The following COL4A2 variants were observed in gnomAD, a reference collection of about 807,000 sequenced individuals.
COL4A2 encodes collagen alpha-2(IV) chain.
In COL4A2, 99 loss-of-function variants were observed where a neutral mutation model predicts 200.2. The observed-to-expected ratio is 0.49, with a 90% CI of 0.42 to 0.58. The LOEUF (loss-of-function observed/expected upper bound fraction) is 0.58. COL4A2 is among the 20% of genes least tolerant of loss of function. COL4A2 has a pLI of 0.00. For missense variants in COL4A2, 1,950 were observed against 2,314.1 expected (o/e 0.84, Z 3.23); for synonymous variants, 897 against 900.6 (o/e 1.00, Z 0.07).
At chr13:110,375,279 G>C (rs189287270) in intron 4 of COL4A2, among the ~76,000 whole-genome samples, 229 of 152,328 alleles carry the variant, frequency 1.5e-3, no homozygotes, top group African/African-American at 5.1e-3. Context: ...CATAGTTACT[G>C]CCTCCAGCAG....
chr13:110,308,451 C>A (rs1029432638), intron 3 of COL4A2, among the ~76,000 whole-genome samples: 7 of 152,062 alleles, frequency 4.6e-5, no homozygotes, highest in Non-Finnish European at 5.9e-5. Flanking sequence ...GTGTGTCAGT[C>A]ACTAGGCAGT....
chr13:110,325,679 A>G (rs185531650), intron 3 of COL4A2, among the ~76,000 whole-genome samples: 6 of 152,316 alleles, frequency 3.9e-5, no homozygotes, highest in Admixed American at 1.3e-4. Context: ...TTACCCCGGT[A>G]GGTGCTGCCC....
intron 15 of COL4A2, among the ~76,000 whole-genome samples, chr13:110,439,151 C>T (rs2139468059): frequency 6.6e-6 from 1 of 152,292 alleles, no homozygotes; most frequent in East Asian, 1.9e-4. Context: ...CCTTCAGAGC[C>T]CCAGCCTGGA....
intron 4 of COL4A2, among the ~76,000 whole-genome samples, chr13:110,400,724 T>C (rs1879343832): frequency 6.6e-6 from 1 of 152,210 alleles, no homozygotes; most frequent in African/African-American, 2.4e-5. Context: ...AAAAGAGTTA[T>C]TCAGAAGATA....
chr13:110,509,713 G>C (rs1477015864), intron 47 of COL4A2, among the ~76,000 whole-genome samples: 2 of 152,156 alleles, frequency 1.3e-5, no homozygotes, highest in African/African-American at 2.4e-5. Flanking sequence ...ACTGTCACGA[G>C]ATAAGCAGAC....
intron 47 of COL4A2, among the ~76,000 whole-genome samples, chr13:110,509,054 T>G (rs1343420880): frequency 2.4e-4 from 36 of 152,086 alleles, no homozygotes; most frequent in Non-Finnish European, 4.4e-5. Flanking sequence ...ATATTGCTTT[T>G]GCACCATCGA....
At chr13:110,433,608 G>A (rs577506661) in intron 11 of COL4A2, among the ~76,000 whole-genome samples, 6 of 152,318 alleles carry the variant, frequency 3.9e-5, no homozygotes, top group East Asian at 1.9e-4. Context: ...GGGGGCGGAC[G>A]GTAGACTGCA....
At chr13:110,465,348 C>A (rs1428362304) in intron 24 of COL4A2, 57 bp from the exon 25 acceptor site, 2 of 1,526,048 alleles carry the variant, frequency 1.3e-6, no homozygotes, top group African/African-American at 2.8e-5. Flanking sequence ...ACAGGGAAGT[C>A]GAGGCGATCT....
chr13:110,431,884 T>A (rs1880692936), intron 10 of COL4A2, among the ~76,000 whole-genome samples: 2 of 152,356 alleles, frequency 1.3e-5, no homozygotes, highest in Middle Eastern at 3.4e-3. Flanking sequence ...AGATGGACTT[T>A]CCGCTCTGCA....
chr13:110,313,201 C>A (rs1885033370), intron 3 of COL4A2, among the ~76,000 whole-genome samples: 1 of 152,134 alleles, frequency 6.6e-6, no homozygotes, highest in African/African-American at 2.4e-5. Flanking sequence ...CCTGGATAGT[C>A]CCCTCTTGCT....
At chr13:110,421,004 T>A (rs1880228795) in intron 4 of COL4A2, among the ~76,000 whole-genome samples, 1 of 152,216 alleles carries the variant, frequency 6.6e-6, no homozygotes, top group Non-Finnish European at 1.5e-5. Context: ...ATGTTCCATC[T>A]CATCAGAAGC....
In COL4A2 at chr13:110,512,415, C is replaced by A; in HGVS notation, c.*224C>A. 1 of 721,132 alleles carries A rather than the reference C, an allele frequency of 1.4e-6. No individual in the cohort carries two copies. Among genetic ancestry groups the A allele is most frequent in the Non-Finnish European group, 2.2e-6 (1 of 453,730 alleles). The allele number at this position is 721,132 out of a possible 1,614,324, so 44.7% of individuals were successfully genotyped here. A position where few individuals can be genotyped will look rare whatever the true frequency, so the allele number is the denominator to read the frequency against. On this transcript the variant is annotated 3_prime_UTR_variant, in exon 48 of 48. Transcript: ENST00000360467. ...CCTGCCCACAGAAAGCCAGGAGCAG[C>A]CCTGGCCCCCATCAGCCCTGCTAGA...
intron 36 of COL4A2, among the ~76,000 whole-genome samples, 186 bp downstream of exon 36, chr13:110,489,971 C>T (rs1473036945): frequency 6.6e-6 from 1 of 151,952 alleles, no homozygotes; most frequent in Non-Finnish European, 1.5e-5. Context: ...AAGATAAAAT[C>T]AGGAAGTCTT....
At chr13:110,331,907 G>C (rs958269485) in intron 3 of COL4A2, among the ~76,000 whole-genome samples, 1 of 152,042 alleles carries the variant, frequency 6.6e-6, no homozygotes, top group African/African-American at 2.4e-5. Context: ...TCGCCCATTT[G>C]GTTACCTGTG....
chr13:110,503,244 A>G lies in COL4A2; in HGVS notation c.4001A>G (p.Gln1334Arg). The G allele has an allele frequency of 6.2e-7, 1 of 1,612,776 alleles. No individual in the cohort carries two copies. The highest frequency in any genetic ancestry group is 8.5e-7 in the Non-Finnish European group (1 of 1,179,614). The change falls in exon 42 of 48, where the codon CAG becomes CGG. Residue 1334 changes from glutamine (Q) to arginine (R), a missense_variant. Gln to Arg is a conservative substitution (Grantham distance 43). This residue lies in a region of COL4A2 where 1,385 missense variants were observed against 1,720.5 expected (regional missense o/e 0.80). Transcript: ENST00000360467. ...GGATGGGCCGGGGACTCCGGGCCCC[A>G]GGGCAGGCCTGGTGTGTTTGGTCTC... Reference protein sequence around the residue: ...TKGWAGDSGPQGRPGVFGLPG... With the variant: ...TKGWAGDSGPRGRPGVFGLPG...
chr13:110,360,795 C>T (rs936469521), intron 4 of COL4A2, among the ~76,000 whole-genome samples: 6 of 148,018 alleles, frequency 4.1e-5, no homozygotes, highest in Admixed American at 2.0e-4. Context: ...ACCCGCCCCC[C>T]ACCCCGGGGC....
chr13:110,449,890 T>C lies in COL4A2; in HGVS notation c.1189+101T>C, dbSNP rs542589043. ...TTCGTTGACGACGTAGCTATGTCGTTGTTACTTTTCCCCACTGACTAGTCT... is the reference window on the plus strand; with the variant it reads ...TTCGTTGACGACGTAGCTATGTCGTCGTTACTTTTCCCCACTGACTAGTCT... On this transcript the variant is annotated intron_variant, in intron 19 of 47. Coordinates refer to ENST00000360467, the MANE Select transcript of COL4A2 (RefSeq NM_001846.4). The C allele has an allele frequency of 1.3e-3, 1,685 of 1,317,948 alleles. 1 individual carries two copies. The highest frequency in any genetic ancestry group is 1.3e-3 in the Non-Finnish European group (1,230 of 967,868). 81.6% of individuals were successfully genotyped at this position (1,317,948 alleles called of 1,614,324 possible). A position where few individuals can be genotyped will look rare whatever the true frequency, so the allele number is the denominator to read the frequency against.
In COL4A2 at chr13:110,414,771, G is replaced by A. The variant is rs1477915627; in HGVS notation, c.181-9963G>A. On this transcript the variant is annotated intron_variant, in intron 4 of 47. Coordinates refer to ENST00000360467, the MANE Select transcript of COL4A2 (RefSeq NM_001846.4). ...TCTATAATCTGTAAGACTCTTGCTA[G>A]GGAATGAGGCTTGTGTTTGCGTATT... 3.3e-5 allele frequency among the ~76,000 whole-genome samples: 5 copies of A among 152,218 alleles called. No homozygotes were observed. In the East Asian group the frequency reaches 9.6e-4, roughly 29 times the overall value.
chr13:110,487,401 C>T (rs967773753), intron 34 of COL4A2, among the ~76,000 whole-genome samples: 5 of 152,088 alleles, frequency 3.3e-5, no homozygotes, highest in Non-Finnish European at 7.4e-5. Flanking sequence ...TGCAGTGAGC[C>T]GAGATTGCGC....
Sources: gnomAD v4.1 joint callset for allele counts (sites outside exome capture counted in the v4.1 genomes callset) on GRCh38, gnomAD v4.1.1 for gene constraint, gnomAD v4.1.1 regional missense constraint, MANE v1.5 for transcripts, NCBI Gene and HGNC (gene_info 2026-07-23, HGNC 2026-07-21) for gene names.